SLC39A14: variants seen among roughly 807,000 people sequenced by gnomAD.
SLC39A14 encodes metal cation symporter ZIP14.
A neutral mutation model predicts 45.5 loss-of-function variants in SLC39A14; 19 were observed. The observed-to-expected ratio is 0.42, with a 90% CI of 0.29 to 0.61. SLC39A14 has a LOEUF of 0.61. Among genes scored for constraint, SLC39A14 ranks in the 20% least tolerant of loss-of-function variants. The probability of loss-of-function intolerance (pLI) is 0.22; values close to 1 mark genes in which losing one functional copy is unlikely to be tolerated. For missense variants in SLC39A14, 447 were observed against 616.5 expected, an observed-to-expected ratio of 0.73 and a Z score of 2.91; for synonymous variants, 264 against 251.3, an observed-to-expected ratio of 1.05 and a Z score of -0.48.
At chr8:22,384,170 G>A (rs1381502749) in intron 1 of SLC39A14, among the ~76,000 whole-genome samples, 1 of 152,168 alleles carries the variant, frequency 6.6e-6, no homozygotes, top group Non-Finnish European at 1.5e-5. Context: ...CTCCCTCTTG[G>A]CAGCACTGGG....
chr8:22,405,098 C>G (rs1440222144), intron 2 of SLC39A14, 118 bp downstream of exon 2: 12 of 884,458 alleles, frequency 1.4e-5, no homozygotes, highest in South Asian at 3.4e-5. Context: ...ATGAGGCAGA[C>G]AAGTCTCGAT....
chr8:22,382,819 ATCC>A (rs1431538720), intron 1 of SLC39A14, among the ~76,000 whole-genome samples: 3 of 151,888 alleles, frequency 2.0e-5, no homozygotes, highest in Non-Finnish European at 1.5e-5. Flanking sequence ...GGCTCAAGCA[ATCC>A]TCCTGCCTCA....
chr8:22,415,924 C>A lies in SLC39A14; in HGVS notation c.906C>A (p.Asp302Glu), dbSNP rs375641732. The change falls in exon 6 of 9, where the codon GAC becomes GAA. Residue 302 changes from aspartate (D) to glutamate (E), a missense_variant. This residue lies in a region of SLC39A14 where 342 missense variants were observed against 428.1 expected (regional missense o/e 0.80). Transcript: ENST00000381237. ...TGGACGGCAAGGCGCCCATGGTGGA[C>A]GAGAAGGTCATTGTGGGCTCGCTCT... ...SELDGKAPMV[D>E]EKVIVGSLSV... 1.9e-5 allele frequency: 30 copies of A among 1,607,752 alleles called. No individual in the cohort carries two copies. The highest frequency in any genetic ancestry group is 2.5e-5 in the Non-Finnish European group (30 of 1,176,548).
intron 8 of SLC39A14, among the ~76,000 whole-genome samples, chr8:22,429,011 G>A (rs537543720): frequency 1.6e-4 from 24 of 152,090 alleles, no homozygotes; most frequent in African/African-American, 5.8e-4. Context: ...GGTGGCTCAC[G>A]CCTGTAATCC....
rs1171073304 is a variant in SLC39A14, at chr8:22,404,723, C to G, written c.13C>G (p.Leu5Val). 1.2e-6 allele frequency: 2 copies of G among 1,612,152 alleles called. No individual in the cohort carries two copies. The highest frequency in any genetic ancestry group is 1.3e-5 in the African/African-American group (1 of 74,880). ...TTATTCAGTCACCATGAAGCTGCTG[C>G]TGCTGCACCCGGCCTTCCAGAGCTG... MKLL[L>V]LHPAFQSCLL... Residue 5 changes from leucine to valine, a missense_variant, in exon 2 of 9, where the codon CTG becomes GTG. Transcript: ENST00000381237.
downstream of SLC39A14, among the ~76,000 whole-genome samples, chr8:22,423,811 T>TCTCTCTCA (rs140415628): frequency 3.7e-4 from 56 of 150,768 alleles, no homozygotes; most frequent in African/African-American, 1.4e-3. Flanking sequence ...TCTCTCTCTC[T>TCTCTCTCA]CATCTATCTT....
chr8:22,368,564 T>C (rs1832767564), intron 1 of SLC39A14, among the ~76,000 whole-genome samples: 1 of 151,416 alleles, frequency 6.6e-6, no homozygotes, highest in African/African-American at 2.4e-5. Flanking sequence ...TGAGACGGAG[T>C]CTCACTCTGT....
chr8:22,371,136 A>G (rs1261794895), intron 1 of SLC39A14, among the ~76,000 whole-genome samples: 2 of 152,194 alleles, frequency 1.3e-5, no homozygotes, highest in African/African-American at 4.8e-5. Context: ...AGGCCGGGAA[A>G]GCCACAGAAT....
chr8:22,412,363 T>C (rs1048316612), intron 4 of SLC39A14, among the ~76,000 whole-genome samples, 157 bp downstream of exon 4: 1 of 152,170 alleles, frequency 6.6e-6, no homozygotes, highest in African/African-American at 2.4e-5. Context: ...CAGCCCAGCA[T>C]AGGCTGAAGA....
At chr8:22,382,388 T>TG (rs1193423898) in intron 1 of SLC39A14, among the ~76,000 whole-genome samples, 3 of 152,130 alleles carry the variant, frequency 2.0e-5, no homozygotes, top group African/African-American at 7.2e-5. Flanking sequence ...AGTTAAATCT[T>TG]GGTCAGGCAC....
intron 1 of SLC39A14, among the ~76,000 whole-genome samples, chr8:22,369,603 A>G (rs1474749990): frequency 6.6e-6 from 1 of 152,208 alleles, no homozygotes; most frequent in African/African-American, 2.4e-5. Flanking sequence ...AAGCCTCCAT[A>G]CTGTGCACAG....
chr8:22,375,127 C>A (rs1033800760), intron 1 of SLC39A14, among the ~76,000 whole-genome samples: 2 of 152,156 alleles, frequency 1.3e-5, no homozygotes, highest in Non-Finnish European at 2.9e-5. Context: ...CTCCTGCCAC[C>A]TTCCTTAGCC....
At chr8:22,391,864 G>A (rs562918980) in intron 1 of SLC39A14, among the ~76,000 whole-genome samples, 7 of 152,248 alleles carry the variant, frequency 4.6e-5, no homozygotes, top group East Asian at 3.9e-4. Context: ...CACCGCTCCC[G>A]GCCAGGGCTC....
chr8:22,411,843 T>G, intron 3 of SLC39A14, 194 bp from the exon 4 acceptor site: 1 of 562,330 alleles, frequency 1.8e-6, no homozygotes, highest in Non-Finnish European at 3.2e-6. Flanking sequence ...ACTAACAAAT[T>G]TTCTATTTCT....
intron 3 of SLC39A14, among the ~76,000 whole-genome samples, chr8:22,411,078 A>G (rs1835540180): frequency 6.6e-6 from 1 of 152,236 alleles, no homozygotes; most frequent in Admixed American, 6.5e-5. Context: ...GGCTCTGACA[A>G]ACACTTTGCA....
intron 1 of SLC39A14, among the ~76,000 whole-genome samples, chr8:22,385,614 G>A (rs1833750899): frequency 6.6e-6 from 1 of 152,214 alleles, no homozygotes; most frequent in Non-Finnish European, 1.5e-5. Flanking sequence ...CTGGAGCCCA[G>A]TGAGTGAGAT....
chr8:22,373,764 C>G (rs1487384644), intron 1 of SLC39A14, among the ~76,000 whole-genome samples: 2 of 145,188 alleles, frequency 1.4e-5, no homozygotes, highest in Admixed American at 6.9e-5. Flanking sequence ...TTTGTTTTCT[C>G]GTTTTTTTTT....
intron 8 of SLC39A14, among the ~76,000 whole-genome samples, chr8:22,429,067 T>G (rs973706425): frequency 5.9e-5 from 9 of 151,858 alleles, no homozygotes; most frequent in Non-Finnish European, 4.4e-5. Flanking sequence ...GGTCAGGAGA[T>G]CGAGACCATC....
chr8:22,369,506 G>A (rs546300560), intron 1 of SLC39A14, among the ~76,000 whole-genome samples: 19 of 152,330 alleles, frequency 1.2e-4, no homozygotes, highest in African/African-American at 1.9e-4. Flanking sequence ...GCGGGTGCAC[G>A]CAGAAGGCCT....
Sources: gnomAD v4.1 joint callset for allele counts (sites outside exome capture counted in the v4.1 genomes callset) on GRCh38, gnomAD v4.1.1 for gene constraint, gnomAD v4.1.1 regional missense constraint, MANE v1.5 for transcripts, NCBI Gene and HGNC (gene_info 2026-07-23, HGNC 2026-07-21) for gene names.